TAF3: variants seen among roughly 807,000 people sequenced by gnomAD.
TAF3 encodes transcription initiation factor TFIID subunit 3.
TAF3 carries 7 observed loss-of-function variants against 80.6 expected under a neutral mutation model. The ratio of observed to expected loss-of-function variants is 0.09; its 90% CI spans 0.05 to 0.16. TAF3 has a LOEUF of 0.16. Among genes scored for constraint, TAF3 ranks in the 10% least tolerant of loss-of-function variants. The probability of loss-of-function intolerance (pLI) is 1.00; values close to 1 mark genes in which losing one functional copy is unlikely to be tolerated. For missense variants in TAF3, 921 were observed against 1,140.2 expected (o/e 0.81, Z 2.77); for synonymous variants, 444 against 446.1 (o/e 1.00, Z 0.06).
chr10:7,968,317 G>A (rs373500668), intron 3 of TAF3, among the ~76,000 whole-genome samples: 5 of 152,060 alleles, frequency 3.3e-5, no homozygotes, highest in Non-Finnish European at 5.9e-5. Flanking sequence ...GACCCAGATC[G>A]GCAAGCAAGA....
At chr10:7,895,142 G>A (rs1174047959) in intron 2 of TAF3, among the ~76,000 whole-genome samples, 1 of 152,220 alleles carries the variant, frequency 6.6e-6, no homozygotes, top group Non-Finnish European at 1.5e-5. Context: ...TGGGATTACA[G>A]TCTGCCTCTC....
intron 2 of TAF3, among the ~76,000 whole-genome samples, chr10:7,852,278 G>T (rs936513859): frequency 3.9e-5 from 6 of 152,108 alleles, no homozygotes; most frequent in African/African-American, 1.4e-4. Flanking sequence ...CAAATAACCA[G>T]TCTTTTCACA....
At position 7,824,720 on chromosome 10, in the gene TAF3, A is replaced by G. The variant is rs533211583; in HGVS notation, c.409+160A>G. On this transcript the variant is annotated intron_variant, in intron 2 of 6. Transcript: ENST00000344293. ...CTAACCCTTAAACCAACAAACTTGC[A>G]ACTGACATTACCAAGCCGAGTCACG... Among the ~76,000 whole-genome samples, 8 of 152,352 alleles carry G rather than the reference A, an allele frequency of 5.3e-5. No homozygotes were observed. The East Asian group carries it at 1.5e-3, about 29-fold the overall frequency.
chr10:7,892,823 T>C (rs1014875657), intron 2 of TAF3, among the ~76,000 whole-genome samples: 16 of 150,718 alleles, frequency 1.1e-4, no homozygotes, highest in Non-Finnish European at 1.9e-4. Context: ...TTTTTCTTTT[T>C]TTTTTTTTTT....
At chr10:7,892,843 G>A (rs150921018) in intron 2 of TAF3, among the ~76,000 whole-genome samples, 46 of 145,454 alleles carry the variant, frequency 3.2e-4, no homozygotes, top group Non-Finnish European at 3.6e-4. Context: ...TTGAGACGGA[G>A]TTTCTCTCTT....
intron 2 of TAF3, among the ~76,000 whole-genome samples, chr10:7,930,930 T>G (rs776621317): frequency 6.6e-6 from 1 of 152,108 alleles, no homozygotes; most frequent in Non-Finnish European, 1.5e-5. Flanking sequence ...TCTTTATAAG[T>G]CCCACAAGTT....
At chr10:7,990,542 ATACATCT>A (rs1831824402) in intron 4 of TAF3, among the ~76,000 whole-genome samples, 1 of 152,332 alleles carries the variant, frequency 6.6e-6, no homozygotes, top group South Asian at 2.1e-4. Context: ...GTATGCATGC[ATACATCT>A]GTAAATCAGT....
At chr10:7,915,053 G>C (rs1322611432) in intron 2 of TAF3, among the ~76,000 whole-genome samples, 2 of 146,858 alleles carry the variant, frequency 1.4e-5, no homozygotes, top group Non-Finnish European at 3.0e-5. Flanking sequence ...CCATTCTTCT[G>C]CCTCAGCCTC....
At chr10:7,823,911 G>C (rs1417492118) in intron 1 of TAF3, among the ~76,000 whole-genome samples, 3 of 150,920 alleles carry the variant, frequency 2.0e-5, no homozygotes, top group Admixed American at 2.0e-4. Context: ...GATTACAGGC[G>C]TGAGCCATCG....
At chr10:7,862,687 C>T (rs1276672736) in intron 2 of TAF3, among the ~76,000 whole-genome samples, 1 of 152,208 alleles carries the variant, frequency 6.6e-6, no homozygotes, top group Non-Finnish European at 1.5e-5. Flanking sequence ...TTCCCTCCTC[C>T]CCAGGGGGAT....
chr10:7,826,396 C>T (rs918926017), intron 2 of TAF3, among the ~76,000 whole-genome samples: 1 of 152,066 alleles, frequency 6.6e-6, no homozygotes, highest in African/African-American at 2.4e-5. Flanking sequence ...ACTAAGATAA[C>T]AGGTTTAGAT....
chr10:7,988,669 T>A (rs1185749331), intron 4 of TAF3, among the ~76,000 whole-genome samples: 4 of 145,156 alleles, frequency 2.8e-5, no homozygotes, highest in Non-Finnish European at 6.0e-5. Flanking sequence ...GAGGACCACT[T>A]GAGCCCAGGA....
At chr10:7,995,555 C>T (rs72782784) in intron 4 of TAF3, among the ~76,000 whole-genome samples, 4,304 of 152,064 alleles carry the variant, frequency 0.028, 96 homozygotes, top group Non-Finnish European at 0.04. Flanking sequence ...TTTTATGATT[C>T]GGAACATTTG....
At chr10:8,005,966 G>A (rs539449947) in intron 4 of TAF3, among the ~76,000 whole-genome samples, 1 of 152,094 alleles carries the variant, frequency 6.6e-6, no homozygotes, top group Non-Finnish European at 1.5e-5. Context: ...TGCAAGATAC[G>A]TAATCTCTCT....
intron 2 of TAF3, among the ~76,000 whole-genome samples, chr10:7,925,785 G>A (rs1423421919): frequency 1.3e-5 from 1 of 75,136 alleles, no homozygotes; most frequent in African/African-American, 3.8e-5. Flanking sequence ...GGCAACAAAA[G>A]GAAACTCCAT....
At chr10:7,870,823 AC>A (rs1179819617) in intron 2 of TAF3, among the ~76,000 whole-genome samples, 4 of 151,352 alleles carry the variant, frequency 2.6e-5, no homozygotes, top group Non-Finnish European at 5.9e-5. Flanking sequence ...CTGCCCTGCC[AC>A]CCCCACTCCA....
intron 2 of TAF3, among the ~76,000 whole-genome samples, chr10:7,912,102 T>A (rs561912182): frequency 2.6e-5 from 4 of 152,196 alleles, no homozygotes; most frequent in Non-Finnish European, 5.9e-5. Context: ...AGGAAACATA[T>A]TATCCTCATT....
intron 2 of TAF3, among the ~76,000 whole-genome samples, chr10:7,849,437 C>T (rs1285321627): frequency 1.3e-5 from 2 of 151,848 alleles, no homozygotes; most frequent in Non-Finnish European, 2.9e-5. Context: ...GTAGATCTTG[C>T]ACTTCTGGGA....
chr10:7,945,532 G>A (rs530824386), intron 2 of TAF3, among the ~76,000 whole-genome samples: 81 of 152,098 alleles, frequency 5.3e-4, no homozygotes, highest in Middle Eastern at 3.4e-3. Context: ...ATTCCCTTTG[G>A]CCGCAGACAC....
Sources: gnomAD v4.1 joint callset for allele counts (sites outside exome capture counted in the v4.1 genomes callset) on GRCh38, gnomAD v4.1.1 for gene constraint, MANE v1.5 for transcripts, NCBI Gene and HGNC (gene_info 2026-07-23, HGNC 2026-07-21) for gene names.